Variants in AARSD1 observed in about 807,000 individuals in gnomAD.
The protein encoded by AARSD1 is alanyl-tRNA synthetase domain containing 1.
AARSD1 carries 44 observed loss-of-function variants against 48.7 expected under a neutral mutation model. The observed-to-expected ratio is 0.90, with a 90% CI of 0.71 to 1.16. The LOEUF (loss-of-function observed/expected upper bound fraction) is 1.16. Among genes scored for constraint, AARSD1 ranks in the 50% most tolerant of loss-of-function variants. The pLI is 0.00. For missense variants in AARSD1, 511 were observed against 523.1 expected, an observed-to-expected ratio of 0.98 and a Z score of 0.23; for synonymous variants, 189 against 194.9, an observed-to-expected ratio of 0.97 and a Z score of 0.25.
chr17:42,954,917 G>T lies in AARSD1; in HGVS notation c.912C>A (p.Leu304=). The T allele has an allele frequency of 6.2e-7, 1 of 1,614,128 alleles. No individual in the cohort carries two copies. The highest frequency in any genetic ancestry group is 1.7e-5 in the Admixed American group (1 of 60,004). ...CACCTCCCCAGTCTGGACTGTTCCT[G>T]AGGCTATGGGCAATGTGCACAGCCA... ...RDLAVHIAHS[L]RNSPDWGGVV... Residue 304 remains leucine (L), a synonymous_variant, in exon 9 of 12, where the codon CTC becomes CTA. Coordinates refer to ENST00000427569, the MANE Select transcript of AARSD1 (RefSeq NM_001261434.2).
chr17:42,953,576 T>A, intron 10 of AARSD1, 148 bp downstream of exon 10: 1 of 977,794 alleles, frequency 1.0e-6, no homozygotes, highest in Non-Finnish European at 1.6e-6. Flanking sequence ...GGCATATAGC[T>A]AGTACTAAGA....
At chr17:42,962,311 A>G in intron 2 of AARSD1, 1 of 201,590 alleles carries the variant, frequency 5.0e-6, no homozygotes, top group Non-Finnish European at 1.1e-5. Flanking sequence ...AAAAAAAAAA[A>G]AAAAAAGTTC....
chr17:42,952,150 C>T (rs1567714603), intron 10 of AARSD1: 2 of 478,652 alleles, frequency 4.2e-6, no homozygotes, highest in East Asian at 7.1e-5. Context: ...GCAGAAAATG[C>T]CTTTCATGGT....
intron 9 of AARSD1, chr17:42,954,219 T>A (rs2049515720): frequency 5.2e-6 from 1 of 192,994 alleles, no homozygotes. Context: ...CCTGGTGTGG[T>A]GGCACATGCC....
chr17:42,960,052 C>T (rs2049612321), intron 3 of AARSD1, among the ~76,000 whole-genome samples: 1 of 151,812 alleles, frequency 6.6e-6, no homozygotes, highest in African/African-American at 2.4e-5. Flanking sequence ...GGGCGGATCA[C>T]GAGGTCTGGA....
intron 3 of AARSD1, among the ~76,000 whole-genome samples, chr17:42,959,877 T>A (rs1033345602): frequency 2.0e-5 from 3 of 151,570 alleles, no homozygotes; most frequent in Non-Finnish European, 4.4e-5. Flanking sequence ...TTGGCCAGGA[T>A]GGTCTCGATC....
intron 3 of AARSD1, among the ~76,000 whole-genome samples, chr17:42,960,235 T>C (rs1178230234): frequency 6.6e-6 from 1 of 150,720 alleles, no homozygotes; most frequent in Non-Finnish European, 1.5e-5. Flanking sequence ...GCCATTGCAC[T>C]CCAGCCTGGG....
rs1199051979 is a variant in AARSD1 at position 42,957,195 on chromosome 17, C to T, written c.332G>A (p.Gly111Glu). The change falls in exon 4 of 12, where the codon GGG becomes GAG. Residue 111 changes from glycine (G) to glutamate (E), a missense_variant and splice_region_variant. Gly to Glu is a moderately conservative substitution (Grantham distance 98, BLOSUM62 -2). Transcript: ENST00000427569. The stretch of plus-strand genomic sequence containing the variant: ...AGCAACTGCCGTGATGAGATGCTGC[C>T]CTAAGCAAAGAGAGCCAGAGACAGG... ...RRFDHMQQHS[G>E]QHLITAVADH... 3 of 1,613,526 alleles carry T rather than the reference C, an allele frequency of 1.9e-6. No homozygotes were observed. In the African/African-American group the frequency reaches 4.0e-5, roughly 22 times the overall value.
chr17:42,958,751 G>C (rs1030527211), intron 3 of AARSD1, among the ~76,000 whole-genome samples: 1 of 150,498 alleles, frequency 6.6e-6, no homozygotes, highest in South Asian at 2.1e-4. Context: ...ACTTTTAGTA[G>C]AGTCAGGGTT....
At chr17:42,958,905 T>C (rs2049593898) in intron 3 of AARSD1, among the ~76,000 whole-genome samples, 1 of 150,628 alleles carries the variant, frequency 6.6e-6, no homozygotes, top group Non-Finnish European at 1.5e-5. Context: ...CACTTTAACT[T>C]ATATTTATTT....
chr17:42,960,140 G>C (rs977049116), intron 3 of AARSD1, among the ~76,000 whole-genome samples: 11 of 151,802 alleles, frequency 7.2e-5, no homozygotes, highest in African/African-American at 2.7e-4. Flanking sequence ...ATGGTGGCAC[G>C]CACCTGTTAT....
In AARSD1 at chr17:42,964,129, G is replaced by C. The variant is rs2151944271; in HGVS notation, c.148C>G (p.Leu50Val). 2 of 1,614,206 alleles carry C rather than the reference G, an allele frequency of 1.2e-6. No homozygotes were observed. The highest frequency in any genetic ancestry group is 2.2e-5 in the South Asian group (2 of 91,092). ...GFQVVLEDTV[L>V]FPEGGGQPDD... is the part of the protein sequence containing the mutation. The stretch of plus-strand genomic sequence containing the variant: ...ACCTGTCCCCCGCCCTCAGGGAAAA[G>C]CACTGTGTCTTCCAGCACCACTTGG... Residue 50 changes from leucine to valine, a missense_variant, in exon 2 of 12, where the codon CTT becomes GTT. Physicochemically the swap from Leu to Val is conservative, Grantham distance 32. Transcript: ENST00000427569.
intron 2 of AARSD1, among the ~76,000 whole-genome samples, 181 bp downstream of exon 2, chr17:42,963,925 T>C (rs1283665536): frequency 2.0e-5 from 3 of 152,232 alleles, no homozygotes; most frequent in Non-Finnish European, 4.4e-5. Flanking sequence ...CCTGGAATAA[T>C]ATCTAGCATA....
chr17:42,950,657 C>T lies in AARSD1; in HGVS notation c.1175G>A (p.Ser392Asn), dbSNP rs780966599. 1.9e-6 allele frequency: 3 copies of T among 1,613,966 alleles called. No individual in the cohort carries two copies. The highest frequency in any genetic ancestry group is 2.5e-6 in the Non-Finnish European group (3 of 1,180,012). Residue 392 changes from serine (S) to asparagine (N), a missense_variant, in exon 12 of 12, where the codon AGC becomes AAC. By Grantham distance (46) the Ser-to-Asn change is conservative. Coordinates refer to ENST00000427569, the MANE Select transcript of AARSD1 (RefSeq NM_001261434.2). The part of the protein sequence containing the change: ...GRFQGKATKM[S>N]RRMEAQALLQ... ...AAGCGCCTGCGCCTCCATCCGCCGG[C>T]TCATCTTGGTGGCCTTGCCCTGAAA...
chr17:42,950,923 C>T lies in AARSD1; in HGVS notation c.1104-195G>A, dbSNP rs960723586. Among the ~76,000 whole-genome samples the T allele has an allele frequency of 2.7e-5, 4 of 150,512 alleles. No homozygotes were observed. The East Asian group carries it at 7.9e-4, about 30-fold the overall frequency. On this transcript the variant is annotated intron_variant, in intron 11 of 11. Coordinates refer to ENST00000427569, the MANE Select transcript of AARSD1 (RefSeq NM_001261434.2). ...CCTGTAATCCCAGCACTTTGGGAGG[C>T]CAAAGTGGGTGGATCACCTGAGGTC...
At chr17:42,955,745 T>A (rs997630531) in intron 7 of AARSD1, 97 bp downstream of exon 7, 36 of 1,571,086 alleles carry the variant, frequency 2.3e-5, no homozygotes, top group Non-Finnish European at 2.9e-5. Flanking sequence ...CTGGCCGCAC[T>A]TTATCATTTA....
chr17:42,964,112 C>G lies in AARSD1; in HGVS notation c.165G>C (p.Gly55=), dbSNP rs1394778595. ...LEDTVLFPEG[G]GQPDDRGTIN... The stretch of plus-strand genomic sequence containing the variant: ...GAAGAGATCGTTTTGGTACCTGTCC[C>G]CCGCCCTCAGGGAAAAGCACTGTGT... The change falls in exon 2 of 12, where the codon GGG becomes GGC. Residue 55 remains glycine, a synonymous_variant. Transcript: ENST00000427569. The G allele has an allele frequency of 6.2e-7, 1 of 1,614,156 alleles. No homozygotes were observed. The highest frequency in any genetic ancestry group is 8.5e-7 in the Non-Finnish European group (1 of 1,180,026).
chr17:42,953,077 T>C (rs1199975749), intron 10 of AARSD1, among the ~76,000 whole-genome samples: 1 of 152,210 alleles, frequency 6.6e-6, no homozygotes, highest in Non-Finnish European at 1.5e-5. Context: ...CCTACCAGGC[T>C]CAAGAGATTC....
chr17:42,950,610 G>A lies in AARSD1; in HGVS notation c.1222C>T (p.Gln408Ter). The A allele has an allele frequency of 1.2e-6, 2 of 1,613,922 alleles. No homozygotes were observed. The highest frequency in any genetic ancestry group is 2.2e-5 in the South Asian group (2 of 91,050). ...CTAAGCCCTCACTCCTTAGCACTCT[G>A]CGTGCTGATGTAGTCCTGGAGAAGC... The part of the protein sequence containing the change: ...QALLQDYIST[Q>*]SAKE Residue 408 changes from glutamine (Q) to a stop codon, truncating the protein, a stop_gained, in exon 12 of 12, where the codon CAG becomes TAG. Transcript: ENST00000427569. LOFTEE classifies it high-confidence loss of function.
Sources: allele counts gnomAD v4.1 joint callset (sites outside exome capture counted in the v4.1 genomes callset), GRCh38; gene constraint gnomAD v4.1.1; transcripts MANE v1.5; gene names NCBI Gene and HGNC (gene_info 2026-07-23, HGNC 2026-07-21).